The following TNN variants were observed in gnomAD, a reference collection of about 807,000 sequenced individuals.
TNN encodes tenascin N.
TNN carries 122 observed loss-of-function variants against 134.4 expected under a neutral mutation model. The ratio of observed to expected loss-of-function variants is 0.91; its 90% CI spans 0.78 to 1.06. The LOEUF is 1.06. Among genes scored for constraint, TNN ranks in the 50% least tolerant of loss-of-function variants. The pLI, the probability that TNN is intolerant of heterozygous loss-of-function variation, is 0.00. For missense variants in TNN, 1,739 were observed against 1,699.4 expected, an observed-to-expected ratio of 1.02 and a Z score of -0.41; for synonymous variants, 710 against 670.3, an observed-to-expected ratio of 1.06 and a Z score of -0.91.
intron 9 of TNN, among the ~76,000 whole-genome samples, chr1:175,116,538 T>C (rs934172230): frequency 6.6e-6 from 1 of 152,218 alleles, no homozygotes; most frequent in African/African-American, 2.4e-5. Context: ...CTTAAAAGTT[T>C]ATCTAACCCA....
At position 175,117,014 on chromosome 1, in the gene TNN, G is replaced by A. The variant is rs747472521; in HGVS notation, c.2195G>A (p.Arg732Gln). ...GCCACTGTCTCCTGGGACCCGGTGC[G>A]GGCCACCATTGACAGGTATGTGGTG... is the stretch of plus-strand genomic sequence containing the variant. ...NMATVSWDPV[R>Q]ATIDRYVVRY... Residue 732 changes from arginine (R) to glutamine (Q), a missense_variant, in exon 10 of 19, where the codon CGG (arginine) becomes CAG (glutamine). By Grantham distance (43) the Arg-to-Gln change is conservative. Transcript: ENST00000239462. The A allele has an allele frequency of 1.1e-5, 17 of 1,614,078 alleles. No individual in the cohort carries two copies. The highest frequency in any genetic ancestry group is 6.7e-5 in the Admixed American group (4 of 60,010).
chr1:175,073,699 G>A (rs1299565883), intron 1 of TNN, among the ~76,000 whole-genome samples: 1 of 152,196 alleles, frequency 6.6e-6, no homozygotes, highest in African/African-American at 2.4e-5. Flanking sequence ...GCGAGGTGAG[G>A]GTTAGAAAAG....
In TNN at chr1:175,128,743, G is replaced by A. The variant is rs748040387; in HGVS notation, c.3327G>A (p.Trp1109Ter). 2.5e-6 allele frequency: 4 copies of A among 1,612,550 alleles called. No individual in the cohort carries two copies. The highest frequency in any genetic ancestry group is 3.4e-6 in the Non-Finnish European group (4 of 1,179,112). The change falls in exon 15 of 19, where the codon TGG becomes TGA. Residue 1109 changes from tryptophan to a stop codon, truncating the protein, a stop_gained. Coordinates refer to ENST00000239462, the MANE Select transcript of TNN (RefSeq NM_022093.2). LOFTEE classifies it high-confidence loss of function. ...YCDMETDGGG[W>*]IVFQRRNTGQ... ...ACATGGAAACGGACGGAGGTGGCTG[G>A]ATTGTGAGTCACGCAGAACCCTGGG...
At chr1:175,123,951 C>A (rs1349003198) in intron 12 of TNN, among the ~76,000 whole-genome samples, 1 of 152,246 alleles carries the variant, frequency 6.6e-6, no homozygotes, top group Non-Finnish European at 1.5e-5. Flanking sequence ...ATGGTTGGGC[C>A]TCAGCTGCAG....
At chr1:175,112,996 C>T (rs1675074268) in intron 9 of TNN, among the ~76,000 whole-genome samples, 1 of 152,038 alleles carries the variant, frequency 6.6e-6, no homozygotes, top group Admixed American at 6.6e-5. Flanking sequence ...AGAGGAGTGA[C>T]TCCTGTCATT....
intron 1 of TNN, among the ~76,000 whole-genome samples, chr1:175,072,737 C>T (rs1673943616): frequency 6.6e-6 from 1 of 152,078 alleles, no homozygotes; most frequent in Non-Finnish European, 1.5e-5. Context: ...CCAGGAAAAT[C>T]TGAGCGCAAC....
At chr1:175,131,317 C>T (rs1200072128) in intron 15 of TNN, among the ~76,000 whole-genome samples, 1 of 152,218 alleles carries the variant, frequency 6.6e-6, no homozygotes, top group Non-Finnish European at 1.5e-5. Context: ...TTTCCACAGA[C>T]ATTTCAATGC....
rs769031518 is a variant in TNN, at chr1:175,077,807, G to T, written c.389G>T (p.Arg130Leu). The change falls in exon 2 of 19, where the codon CGC (arginine) becomes CTC (leucine). Residue 130 changes from arginine (R) to leucine (L), a missense_variant. Physicochemically the swap from Arg to Leu is moderately radical, Grantham distance 102. Transcript: ENST00000239462. Reference sequence around the variant, plus strand: ...ATGAAGGAACAGTGTAGTGCCCAGCGCTGCTGCCAGGGAGTCACTGGTGAG... The same window carrying T: ...ATGAAGGAACAGTGTAGTGCCCAGCTCTGCTGCCAGGGAGTCACTGGTGAG... ...VEMKEQCSAQ[R>L]CCQGVTDLSR... 1 of 1,611,702 alleles carries T rather than the reference G, an allele frequency of 6.2e-7. No individual in the cohort carries two copies. Among genetic ancestry groups the T allele is most frequent in the East Asian group, 2.2e-5 (1 of 44,786 alleles).
At chr1:175,146,778 C>T (rs1676079674) in intron 18 of TNN, among the ~76,000 whole-genome samples, 153 bp from the exon 19 acceptor site, 1 of 152,094 alleles carries the variant, frequency 6.6e-6, no homozygotes, top group Non-Finnish European at 1.5e-5. Context: ...CCTCCCCTCC[C>T]TTCTCATCAC....
intron 18 of TNN, among the ~76,000 whole-genome samples, chr1:175,146,704 C>G (rs959702393): frequency 6.6e-6 from 1 of 152,004 alleles, no homozygotes; most frequent in African/African-American, 2.4e-5. Flanking sequence ...TCCAAATCGT[C>G]CAAGTCCTCT....
intron 17 of TNN, among the ~76,000 whole-genome samples, chr1:175,142,437 A>G (rs1012569899): frequency 2.1e-5 from 3 of 145,946 alleles, no homozygotes; most frequent in Admixed American, 1.4e-4. Context: ...GTGCTGCTCC[A>G]CAGCAGGTAT....
intron 17 of TNN, among the ~76,000 whole-genome samples, chr1:175,140,897 T>C (rs1181630274): frequency 1.3e-5 from 2 of 152,216 alleles, no homozygotes; most frequent in African/African-American, 4.8e-5. Flanking sequence ...TACTCATGTC[T>C]TGAATGCTGA....
At chr1:175,087,602 ACACAACACAGAACATT>A (rs1674347277) in intron 6 of TNN, among the ~76,000 whole-genome samples, 1 of 152,214 alleles carries the variant, frequency 6.6e-6, no homozygotes, top group African/African-American at 2.4e-5. Context: ...TACACAGTCA[ACACAACACAGAACATT>A]TCACCTCTGG....
chr1:175,089,750 G>A (rs1486095467), intron 6 of TNN, among the ~76,000 whole-genome samples: 1 of 152,176 alleles, frequency 6.6e-6, no homozygotes, highest in African/African-American at 2.4e-5. Context: ...CACAGCAAAG[G>A]TTATAGCCTA....
intron 1 of TNN, among the ~76,000 whole-genome samples, chr1:175,068,319 C>G (rs1209066827): frequency 6.6e-6 from 1 of 151,968 alleles, no homozygotes; most frequent in African/African-American, 2.4e-5. Context: ...TTCTCTCTCT[C>G]TGTCTTTTTT....
intron 13 of TNN, 29 bp downstream of exon 13, chr1:175,127,114 G>A: frequency 6.2e-7 from 1 of 1,606,360 alleles, no homozygotes; most frequent in African/African-American, 1.3e-5. Context: ...TTTTCTCCTG[G>A]TGCCTTCTCT....
chr1:175,081,717 G>C (rs576431625), intron 4 of TNN, among the ~76,000 whole-genome samples: 1 of 152,194 alleles, frequency 6.6e-6, no homozygotes, highest in Non-Finnish European at 1.5e-5. Context: ...GATTGTTCTA[G>C]CATGGGTGAC....
chr1:175,117,476 G>T (rs1675216926), intron 10 of TNN, among the ~76,000 whole-genome samples: 1 of 152,128 alleles, frequency 6.6e-6, no homozygotes, highest in Non-Finnish European at 1.5e-5. Context: ...GCTGTAGACA[G>T]TATCGAGGGT....
At position 175,119,532 on chromosome 1, in the gene TNN, A is replaced by ATTT. The variant is rs781636491; in HGVS notation, c.2650+709_2650+711dup. On this transcript the variant is annotated intron_variant, in intron 11 of 18. Coordinates refer to ENST00000239462, the MANE Select transcript of TNN (RefSeq NM_022093.2). The stretch of plus-strand genomic sequence containing the variant: ...ATGCAGCCCAGTAGGTTTCACCCTT[A>ATTT]TTTGACCCAGTTCCTATTCAAGATG... Among the ~76,000 whole-genome samples the ATTT allele has an allele frequency of 4.6e-5, 7 of 151,138 alleles. No individual in the cohort carries two copies. The East Asian group carries it at 1.2e-3, about 25-fold the overall frequency.
Sources: gnomAD v4.1 joint callset for allele counts (sites outside exome capture counted in the v4.1 genomes callset) on GRCh38, gnomAD v4.1.1 for gene constraint, MANE v1.5 for transcripts, NCBI Gene and HGNC (gene_info 2026-07-23, HGNC 2026-07-21) for gene names.